The following CEP63 variants were observed in gnomAD, a reference collection of about 807,000 sequenced individuals.
CEP63 encodes centrosomal protein of 63 kDa.
CEP63 carries 84 observed loss-of-function variants against 89.1 expected under a neutral mutation model. That is an observed-to-expected ratio of 0.94 (90% CI 0.79 to 1.13). The LOEUF (loss-of-function observed/expected upper bound fraction) is 1.13, where lower values mean the gene tolerates loss of function less well. Among genes scored for constraint, CEP63 ranks in the 50% most tolerant of loss-of-function variants. The pLI, the probability that CEP63 is intolerant of heterozygous loss-of-function variation, is 0.00. For synonymous variants in CEP63, 267 were observed against 272.5 expected, an observed-to-expected ratio of 0.98 and a Z score of 0.20; for missense variants, 838 against 813.3, an observed-to-expected ratio of 1.03 and a Z score of -0.37.
the CEP63 span, among the ~76,000 whole-genome samples, chr3:134,625,633 G>T: frequency 6.6e-6 from 1 of 152,246 alleles, no homozygotes; most frequent in Non-Finnish European, 1.5e-5. Context: ...CTCAGTGGAG[G>T]AGGAGGGCAT....
the CEP63 span, among the ~76,000 whole-genome samples, chr3:134,740,492 G>T: frequency 5.5e-4 from 83 of 151,936 alleles, no homozygotes; most frequent in Admixed American, 2.6e-3. Flanking sequence ...AGAGATGGGG[G>T]TTCACCGTGT....
the CEP63 span, among the ~76,000 whole-genome samples, chr3:134,636,571 G>C: frequency 1.3e-5 from 2 of 152,192 alleles, no homozygotes; most frequent in Non-Finnish European, 2.9e-5. Context: ...TCCCAGACCA[G>C]CTGGTCTCCA....
At chr3:134,617,854 G>C in the CEP63 span, among the ~76,000 whole-genome samples, 1 of 152,110 alleles carries the variant, frequency 6.6e-6, no homozygotes, top group Non-Finnish European at 1.5e-5. Context: ...TGGAAACTTG[G>C]CTGAGGTCAG....
At chr3:134,678,599 T>C in the CEP63 span, among the ~76,000 whole-genome samples, 1 of 152,194 alleles carries the variant, frequency 6.6e-6, no homozygotes, top group African/African-American at 2.4e-5. Flanking sequence ...CAAAACCTCT[T>C]TATATATTAA....
intron 11 of CEP63, chr3:134,574,772 T>G (rs772603246): frequency 3.3e-6 from 2 of 600,030 alleles, no homozygotes; most frequent in African/African-American, 3.8e-5. Context: ...CCTGGCTAAT[T>G]TTTTATATTT....
At chr3:134,638,182 G>T in the CEP63 span, among the ~76,000 whole-genome samples, 1 of 152,196 alleles carries the variant, frequency 6.6e-6, no homozygotes, top group Non-Finnish European at 1.5e-5. Context: ...CTGGGCCTGG[G>T]CTGGACACGC....
chr3:134,554,448 G>A (rs1955666685), intron 12 of CEP63, among the ~76,000 whole-genome samples: 1 of 145,516 alleles, frequency 6.9e-6, no homozygotes, highest in African/African-American at 2.5e-5. Context: ...ATTCCATGGT[G>A]TATATGTGCC....
chr3:134,708,904 G>C, the CEP63 span, among the ~76,000 whole-genome samples: 1 of 152,044 alleles, frequency 6.6e-6, no homozygotes, highest in South Asian at 2.1e-4. Flanking sequence ...GCTAGTGGGG[G>C]TGGGGGAAGA....
At chr3:134,528,201 C>T (rs1304273206) in intron 3 of CEP63, among the ~76,000 whole-genome samples, 1 of 152,150 alleles carries the variant, frequency 6.6e-6, no homozygotes, top group Non-Finnish European at 1.5e-5. Context: ...CTTCCTCCCC[C>T]TTCAGCCCAG....
the CEP63 span, among the ~76,000 whole-genome samples, chr3:134,716,666 C>T: frequency 6.6e-6 from 1 of 152,208 alleles, no homozygotes; most frequent in African/African-American, 2.4e-5. Flanking sequence ...ACAAAGCCAC[C>T]AAATCCTTTT....
At chr3:134,662,381 A>AG in the CEP63 span, among the ~76,000 whole-genome samples, 1 of 152,124 alleles carries the variant, frequency 6.6e-6, no homozygotes, top group Non-Finnish European at 1.5e-5. Flanking sequence ...CCCATTGTCT[A>AG]GAGCTGTAAG....
At chr3:134,731,445 A>G in the CEP63 span, among the ~76,000 whole-genome samples, 3 of 152,314 alleles carry the variant, frequency 2.0e-5, no homozygotes, top group Admixed American at 2.0e-4. Flanking sequence ...AATGAGAAAT[A>G]AACAAACAAA....
At chr3:134,634,870 G>T in the CEP63 span, among the ~76,000 whole-genome samples, 16 of 152,200 alleles carry the variant, frequency 1.1e-4, no homozygotes, top group Admixed American at 5.2e-4. Flanking sequence ...ATACTGAGGG[G>T]TGACTGTAAT....
chr3:134,531,245 A>G (rs142632215), intron 3 of CEP63, among the ~76,000 whole-genome samples: 158 of 152,162 alleles, frequency 1.0e-3, no homozygotes, highest in Admixed American at 1.9e-3. Flanking sequence ...TCTTATTTTC[A>G]TGAGTTTTTT....
At chr3:134,749,020 G>T in the CEP63 span, among the ~76,000 whole-genome samples, 1 of 152,262 alleles carries the variant, frequency 6.6e-6, no homozygotes, top group East Asian at 1.9e-4. Context: ...GGAAGGGGCT[G>T]GTGGAAAGGG....
intron 2 of CEP63, among the ~76,000 whole-genome samples, chr3:134,498,845 C>A (rs1408046640): frequency 6.6e-6 from 1 of 152,108 alleles, no homozygotes; most frequent in African/African-American, 2.4e-5. Context: ...TGTGATGTAT[C>A]ACTTTTATTG....
At chr3:134,505,019 T>C (rs974840685) in intron 2 of CEP63, among the ~76,000 whole-genome samples, 10 of 152,348 alleles carry the variant, frequency 6.6e-5, no homozygotes, top group Non-Finnish European at 1.3e-4. Context: ...ATAAATTGTT[T>C]TCCCGATTTA....
At chr3:134,645,221 G>A in the CEP63 span, among the ~76,000 whole-genome samples, 1 of 152,188 alleles carries the variant, frequency 6.6e-6, no homozygotes, top group Non-Finnish European at 1.5e-5. Flanking sequence ...CTATTGGGGT[G>A]GGGTAGGAGG....
At chr3:134,536,133 C>G (rs1260844976) in intron 5 of CEP63, 1 of 152,220 alleles carries the variant, frequency 6.6e-6, no homozygotes, top group Non-Finnish European at 1.5e-5. Flanking sequence ...TCTGGCCATC[C>G]CTTTTAAAAA....
Sources: allele counts gnomAD v4.1 joint callset (sites outside exome capture counted in the v4.1 genomes callset), GRCh38; gene constraint gnomAD v4.1.1; transcripts MANE v1.5; gene names NCBI Gene and HGNC (gene_info 2026-07-23, HGNC 2026-07-21).